Variants in SCN9A observed in about 807,000 individuals in gnomAD.
SCN9A encodes sodium channel protein type 9 subunit alpha.
SCN9A carries 131 observed loss-of-function variants against 187.0 expected under a neutral mutation model. The observed-to-expected ratio is 0.70, with a 90% CI of 0.61 to 0.81. The LOEUF (loss-of-function observed/expected upper bound fraction) is 0.81. Ranked by LOEUF, SCN9A falls within the 30% of genes least tolerant of loss-of-function variation. SCN9A has a pLI of 0.00. For missense variants in SCN9A, 2,252 were observed against 2,396.6 expected (o/e 0.94, Z 1.26); for synonymous variants, 809 against 808.6 (o/e 1.00, Z -0.01).
At chr2:166,365,842 T>C (rs1272010808) in intron 1 of SCN9A, among the ~76,000 whole-genome samples, 1 of 152,208 alleles carries the variant, frequency 6.6e-6, no homozygotes, top group Non-Finnish European at 1.5e-5. Flanking sequence ...TATCTCTTCA[T>C]TATCTCTTAA....
rs73019690 is a variant in SCN9A, at chr2:166,257,253, T to G, written c.3352-5368A>C. On this transcript the variant is annotated intron_variant, in intron 17 of 26. Transcript: ENST00000642356. ...AGCTTAAAAAAATGCAACAAGTAGGTAAAGAAGGATTGGAACCTTAGCAAA... is the reference window on the plus strand; with the variant it reads ...AGCTTAAAAAAATGCAACAAGTAGGGAAAGAAGGATTGGAACCTTAGCAAA... 2.4e-3 allele frequency among the ~76,000 whole-genome samples: 360 copies of G among 151,578 alleles called. 1 individual carries two copies. Among genetic ancestry groups the G allele is most frequent in the African/African-American group, 8.5e-3 (352 of 41,442 alleles).
At chr2:166,224,120 A>G (rs933888358) in intron 24 of SCN9A, among the ~76,000 whole-genome samples, 1 of 152,266 alleles carries the variant, frequency 6.6e-6, no homozygotes, top group East Asian at 1.9e-4. Context: ...ATTAAAGTCA[A>G]TTGGATGTTG....
intron 17 of SCN9A, among the ~76,000 whole-genome samples, chr2:166,254,376 A>G (rs545722330): frequency 6.6e-6 from 1 of 151,684 alleles, no homozygotes; most frequent in African/African-American, 2.4e-5. Context: ...TTAGCAATAT[A>G]GACAGTTCTA....
chr2:166,202,340 C>G (rs1693579705), intron 26 of SCN9A, among the ~76,000 whole-genome samples: 2 of 151,662 alleles, frequency 1.3e-5, no homozygotes, highest in South Asian at 2.1e-4. Flanking sequence ...TCTTTTCACA[C>G]AGTAAATTGG....
At chr2:166,303,445 C>T (rs757431594) in intron 6 of SCN9A, 143 bp from the exon 7 acceptor site, 5 of 630,280 alleles carry the variant, frequency 7.9e-6, no homozygotes, top group Non-Finnish European at 1.3e-5. Context: ...TCTGGGTTTG[C>T]TATTTTATAT....
chr2:166,325,820 A>G (rs1358194674), intron 1 of SCN9A, among the ~76,000 whole-genome samples: 1 of 152,158 alleles, frequency 6.6e-6, no homozygotes, highest in Non-Finnish European at 1.5e-5. Flanking sequence ...TCATCAGAGC[A>G]AGACAAAAAT....
At chr2:166,348,346 A>G (rs1373183198) in intron 1 of SCN9A, among the ~76,000 whole-genome samples, 1 of 152,168 alleles carries the variant, frequency 6.6e-6, no homozygotes, top group African/African-American at 2.4e-5. Flanking sequence ...CCGCTCATTT[A>G]AATGATTGCC....
chr2:166,218,028 G>T (rs1421459163), intron 24 of SCN9A, among the ~76,000 whole-genome samples: 1 of 151,726 alleles, frequency 6.6e-6, no homozygotes, highest in Non-Finnish European at 1.5e-5. Flanking sequence ...TAAAAGTAAT[G>T]GCCAAAACCG....
chr2:166,310,590 A>T (rs71428914), intron 2 of SCN9A, among the ~76,000 whole-genome samples: 26,264 of 68,526 alleles, frequency 0.38, 4,925 homozygotes, highest in Non-Finnish European at 0.43. Context: ...ATCATTAAAA[A>T]GTCAGGAAAC....
chr2:166,294,774 C>G (rs1698227124), intron 7 of SCN9A, 112 bp from the exon 8 acceptor site: 1 of 582,644 alleles, frequency 1.7e-6, no homozygotes, highest in African/African-American at 1.9e-5. Context: ...AGGCCTGGTC[C>G]CAGGCAATAT....
intron 20 of SCN9A, among the ~76,000 whole-genome samples, chr2:166,237,394 C>T (rs1480790639): frequency 1.3e-5 from 2 of 151,796 alleles, no homozygotes; most frequent in East Asian, 3.9e-4. Flanking sequence ...TTCCATCATC[C>T]AAGTATTCAA....
intron 19 of SCN9A, among the ~76,000 whole-genome samples, chr2:166,239,962 C>T (rs941443821): frequency 6.6e-6 from 1 of 152,146 alleles, no homozygotes; most frequent in Admixed American, 6.6e-5. Context: ...TAGGACTTAA[C>T]GCTTTACTGT....
intron 20 of SCN9A, among the ~76,000 whole-genome samples, chr2:166,236,579 T>A (rs1695328863): frequency 6.6e-6 from 1 of 151,838 alleles, no homozygotes; most frequent in Admixed American, 6.6e-5. Context: ...TGCCACCATG[T>A]CTGGCTAATT....
chr2:166,286,263 C>T, intron 11 of SCN9A, 73 bp downstream of exon 11: 1 of 1,425,990 alleles, frequency 7.0e-7, no homozygotes, highest in South Asian at 1.4e-5. Flanking sequence ...CCCGAGTTCT[C>T]TTACCCTAAA....
chr2:166,306,060 A>G, intron 4 of SCN9A, 140 bp from the exon 5 acceptor site: 4 of 846,882 alleles, frequency 4.7e-6, no homozygotes, highest in Non-Finnish European at 5.5e-6. Context: ...ACACCCTATT[A>G]AACTACAATA....
At chr2:166,305,063 C>T (rs1698710202) in intron 5 of SCN9A, among the ~76,000 whole-genome samples, 1 of 151,948 alleles carries the variant, frequency 6.6e-6, no homozygotes. Context: ...AGAGGTTAGG[C>T]AGGGATGAAG....
intron 24 of SCN9A, among the ~76,000 whole-genome samples, chr2:166,211,076 G>A (rs56300005): frequency 0.89 from 135,062 of 151,652 alleles, 60,258 homozygotes; most frequent in East Asian, 0.95. Context: ...AAAAAAGAAA[G>A]AAAGTCTCCA....
chr2:166,277,595 CTT>C lies in SCN9A; in HGVS notation c.2518-258_2518-257del, dbSNP rs1697294203. 3 of 364,410 alleles carry C rather than the reference CTT, an allele frequency of 8.2e-6. No individual in the cohort carries two copies. The South Asian group carries it at 2.3e-4, about 28-fold the overall frequency. 22.6% of individuals were successfully genotyped at this position (364,410 alleles called of 1,614,324 possible). The stretch of plus-strand genomic sequence containing the variant: ...TAGTTCAGGATTGCTATAGAAACCT[CTT>C]ATCATAATTTGTGATATTTTTCTTT... On this transcript the variant is annotated intron_variant, in intron 15 of 26. Coordinates refer to ENST00000642356, the MANE Select transcript of SCN9A (RefSeq NM_001365536.1).
At chr2:166,250,049 A>C (rs1695967362) in intron 18 of SCN9A, among the ~76,000 whole-genome samples, 1 of 152,132 alleles carries the variant, frequency 6.6e-6, no homozygotes, top group African/African-American at 2.4e-5. Flanking sequence ...GCAAGCACAA[A>C]ATTTATATTG....
Sources: allele counts gnomAD v4.1 joint callset (sites outside exome capture counted in the v4.1 genomes callset), GRCh38; gene constraint gnomAD v4.1.1; transcripts MANE v1.5; gene names NCBI Gene and HGNC (gene_info 2026-07-23, HGNC 2026-07-21).